IPO11: variants seen among roughly 807,000 people sequenced by gnomAD.
IPO11 encodes the protein importin 11.
IPO11 carries 66 observed loss-of-function variants against 143.2 expected under a neutral mutation model. That is an observed-to-expected ratio of 0.46 (90% CI 0.38 to 0.57). The LOEUF (loss-of-function observed/expected upper bound fraction) is 0.57, where lower values mean the gene tolerates loss of function less well. Ranked by LOEUF, IPO11 falls within the 20% of genes least tolerant of loss-of-function variation. The pLI is 0.00. For synonymous variants in IPO11, 385 were observed against 377.8 expected (o/e 1.02, Z -0.22); for missense variants, 1,026 against 1,141.0 (o/e 0.90, Z 1.45).
At chr5:62,555,257 G>A (rs1448039429) in intron 26 of IPO11, among the ~76,000 whole-genome samples, 1 of 148,574 alleles carries the variant, frequency 6.7e-6, no homozygotes, top group Non-Finnish European at 1.5e-5. Context: ...CTTTTTTTTT[G>A]TATTTTTTGT....
chr5:62,567,262 T>C (rs1325432872), intron 27 of IPO11, among the ~76,000 whole-genome samples: 2 of 152,128 alleles, frequency 1.3e-5, no homozygotes, highest in Non-Finnish European at 2.9e-5. Flanking sequence ...TGGAAGATTT[T>C]CACTGAAAAG....
At chr5:62,485,871 T>G (rs1025295866) in intron 12 of IPO11, among the ~76,000 whole-genome samples, 3 of 149,830 alleles carry the variant, frequency 2.0e-5, no homozygotes, top group Non-Finnish European at 4.5e-5. Flanking sequence ...AAAAAAAAAT[T>G]AAAGATTCCC....
rs140915333 is a variant in IPO11 at position 62,431,582 on chromosome 5, C to A, written c.-6-5692C>A. On this transcript the variant is annotated intron_variant, in intron 1 of 29. Coordinates refer to ENST00000325324, the MANE Select transcript of IPO11 (RefSeq NM_016338.5). ...CTTAGGAGGAGTTACAGATAGTCTA[C>A]CCCCACCAGGCTAAAGTCAAGATGA... Among the ~76,000 whole-genome samples the A allele has an allele frequency of 1.8e-4, 27 of 152,118 alleles. No homozygotes were observed. In the East Asian group the frequency reaches 5.0e-3, roughly 28 times the overall value.
intron 27 of IPO11, chr5:62,579,473 G>A (rs929517463): frequency 1.3e-6 from 2 of 1,550,768 alleles, no homozygotes; most frequent in Non-Finnish European, 1.7e-6. Context: ...CCTTGCCTAC[G>A]ACTGTTTCTG....
chr5:62,586,587 A>G (rs1744780932), intron 27 of IPO11, among the ~76,000 whole-genome samples: 2 of 151,586 alleles, frequency 1.3e-5, no homozygotes, highest in African/African-American at 2.4e-5. Flanking sequence ...CCCCATCTCT[A>G]CTAAAAATAC....
chr5:62,440,089 A>G (rs1366328663), intron 2 of IPO11, among the ~76,000 whole-genome samples: 2 of 152,190 alleles, frequency 1.3e-5, no homozygotes, highest in African/African-American at 4.8e-5. Context: ...CTGCTTTGCC[A>G]GGCACTGTGC....
At position 62,513,518 on chromosome 5, in the gene IPO11, G is replaced by A. The variant is rs1273199907; in HGVS notation, c.1783-1870G>A. 1.3e-4 allele frequency among the ~76,000 whole-genome samples: 17 copies of A among 135,670 alleles called. No homozygotes were observed. The East Asian group carries it at 3.0e-3, about 24-fold the overall frequency. The allele number at this position is 135,670 out of a possible 152,430, so 89.0% of individuals were successfully genotyped here. On this transcript the variant is annotated intron_variant, in intron 19 of 29. Coordinates refer to ENST00000325324, the MANE Select transcript of IPO11 (RefSeq NM_016338.5). ...CAGAGGCGCCCCTCACCTCCCGGAC[G>A]GGGCGGCTGGCCGGGCGGGGGGCTG...
At chr5:62,467,311 A>G in intron 6 of IPO11, 48 bp downstream of exon 6, 4 of 1,563,214 alleles carry the variant, frequency 2.6e-6, no homozygotes, top group Non-Finnish European at 3.5e-6. Flanking sequence ...ATACCTCAGA[A>G]CAGTCACCAA....
intron 9 of IPO11, among the ~76,000 whole-genome samples, chr5:62,480,654 A>G (rs967753368): frequency 2.6e-5 from 4 of 152,160 alleles, no homozygotes; most frequent in Non-Finnish European, 5.9e-5. Flanking sequence ...AGTCCTTCAC[A>G]TGCCTTGTAA....
intron 29 of IPO11, among the ~76,000 whole-genome samples, chr5:62,602,372 A>G (rs919522314): frequency 6.6e-6 from 1 of 152,194 alleles, no homozygotes; most frequent in African/African-American, 2.4e-5. Flanking sequence ...TTAATATTAT[A>G]TATAATCGTG....
intron 29 of IPO11, among the ~76,000 whole-genome samples, chr5:62,614,402 C>T (rs752316445): frequency 6.6e-6 from 1 of 152,222 alleles, no homozygotes; most frequent in Non-Finnish European, 1.5e-5. Context: ...CCCTGCTCCT[C>T]GCCCCTTCCC....
intron 28 of IPO11, among the ~76,000 whole-genome samples, chr5:62,598,196 A>G (rs926034733): frequency 2.0e-5 from 3 of 152,042 alleles, no homozygotes; most frequent in Non-Finnish European, 4.4e-5. Flanking sequence ...ATGATTGCTT[A>G]TTGAACTACT....
chr5:62,441,932 A>C (rs1481471180), intron 2 of IPO11, among the ~76,000 whole-genome samples: 3 of 149,460 alleles, frequency 2.0e-5, no homozygotes, highest in Non-Finnish European at 3.0e-5. Flanking sequence ...TGCAACCTCC[A>C]CCTTCCTGGT....
At chr5:62,525,792 T>A (rs1177467761) in intron 20 of IPO11, among the ~76,000 whole-genome samples, 2 of 152,196 alleles carry the variant, frequency 1.3e-5, no homozygotes, top group Admixed American at 6.5e-5. Context: ...ATTATTTAGG[T>A]GAAAGCATCT....
At chr5:62,548,439 A>T (rs961682765) in intron 24 of IPO11, among the ~76,000 whole-genome samples, 1 of 152,042 alleles carries the variant, frequency 6.6e-6, no homozygotes, top group Non-Finnish European at 1.5e-5. Flanking sequence ...TTTTAGAATG[A>T]GGTGCCGTAA....
intron 15 of IPO11, among the ~76,000 whole-genome samples, chr5:62,492,544 T>G (rs1746657451): frequency 6.6e-6 from 1 of 152,090 alleles, no homozygotes; most frequent in African/African-American, 2.4e-5. Flanking sequence ...GTAACTTTAT[T>G]TATGTTATTT....
intron 26 of IPO11, among the ~76,000 whole-genome samples, chr5:62,557,127 T>C (rs1743601113): frequency 6.6e-6 from 1 of 152,188 alleles, no homozygotes; most frequent in South Asian, 2.1e-4. Context: ...CTCAATGTGT[T>C]ATCTAAACAT....
At chr5:62,441,888 C>T (rs944429789) in intron 2 of IPO11, among the ~76,000 whole-genome samples, 1 of 151,288 alleles carries the variant, frequency 6.6e-6, no homozygotes, top group Non-Finnish European at 1.5e-5. Flanking sequence ...ACTCTGTCAC[C>T]AGGTTGGAGC....
chr5:62,609,014 A>G (rs1371387250), intron 29 of IPO11, among the ~76,000 whole-genome samples: 4 of 152,162 alleles, frequency 2.6e-5, no homozygotes, highest in Non-Finnish European at 4.4e-5. Flanking sequence ...GTAGCCTCAT[A>G]TGATTTTTAT....
Sources: allele counts gnomAD v4.1 joint callset (sites outside exome capture counted in the v4.1 genomes callset), GRCh38; gene constraint gnomAD v4.1.1; transcripts MANE v1.5; gene names NCBI Gene and HGNC (gene_info 2026-07-23, HGNC 2026-07-21).